Variants in EVC2 observed in about 807,000 individuals in gnomAD.
The protein encoded by EVC2 is limbin.
Under a neutral mutation model 149.3 loss-of-function variants are expected in EVC2, and 148 were observed. The observed-to-expected ratio is 0.99, with a 90% CI of 0.87 to 1.14. The LOEUF is 1.14. EVC2 is among the 50% of genes most tolerant of loss of function. The probability of loss-of-function intolerance (pLI) is 0.00; values close to 1 mark genes in which losing one functional copy is unlikely to be tolerated. For missense variants in EVC2, 1,854 were observed against 1,627.3 expected, an observed-to-expected ratio of 1.14 and a Z score of -2.40; for synonymous variants, 776 against 649.9, an observed-to-expected ratio of 1.19 and a Z score of -2.95.
upstream of EVC2, chr4:5,708,713 C>G: frequency 2.2e-6 from 1 of 458,120 alleles, no homozygotes; most frequent in Non-Finnish European, 3.8e-6. Context: ...GTTGGCGCGG[C>G]CCAGGCGCCC....
At chr4:5,705,008 T>C (rs1052797590) in intron 1 of EVC2, among the ~76,000 whole-genome samples, 23 of 152,152 alleles carry the variant, frequency 1.5e-4, no homozygotes, top group Non-Finnish European at 3.2e-4. Context: ...ATTTGACTAA[T>C]AGTTCCCTTA....
intron 16 of EVC2, among the ~76,000 whole-genome samples, chr4:5,590,065 C>A (rs547019942): frequency 5.0e-4 from 76 of 152,180 alleles, no homozygotes; most frequent in African/African-American, 1.7e-3. Flanking sequence ...GGAAGAGGAA[C>A]AGCATGACCA....
chr4:5,557,189 A>C (rs1181954346), intron 21 of EVC2, among the ~76,000 whole-genome samples: 4 of 152,178 alleles, frequency 2.6e-5, no homozygotes, highest in African/African-American at 9.6e-5. Flanking sequence ...ATATTTACAA[A>C]TTAAATCCAA....
At chr4:5,609,960 A>C (rs1183934635) in intron 16 of EVC2, among the ~76,000 whole-genome samples, 1 of 152,198 alleles carries the variant, frequency 6.6e-6, no homozygotes, top group Non-Finnish European at 1.5e-5. Flanking sequence ...GAAGTTGGGA[A>C]GGGTAAAGCA....
In EVC2 at chr4:5,633,102, A is replaced by G. The variant is rs1052861899; in HGVS notation, c.1471-1070T>C. ...AAAAGAAGCATTGGAGCCTTCCTAA[A>G]GAGAGAGACCCTCTCCTGCTGGCTT... On this transcript the variant is annotated intron_variant, in intron 10 of 21. Transcript: ENST00000344408. The surrounding 1 kb of genome is among the most constrained non-coding windows in gnomAD (Gnocchi z 4.4). 6.6e-6 allele frequency among the ~76,000 whole-genome samples: 1 copy of G among 152,228 alleles called. No individual in the cohort carries two copies. Among genetic ancestry groups the G allele is most frequent in the Non-Finnish European group, 1.5e-5 (1 of 68,028 alleles).
intron 21 of EVC2, among the ~76,000 whole-genome samples, chr4:5,564,664 G>A (rs1722156283): frequency 6.6e-6 from 1 of 152,168 alleles, no homozygotes; most frequent in Non-Finnish European, 1.5e-5. Flanking sequence ...TCTCTAGCTG[G>A]AATCACAGAA....
In EVC2 at chr4:5,689,219, C is replaced by A; in HGVS notation, c.644G>T (p.Trp215Leu). ...LLDSIAGLTIWDSVGNRTSEG... is the reference protein window; with the variant it reads ...LLDSIAGLTILDSVGNRTSEG... The stretch of plus-strand genomic sequence containing the variant: ...CGAGGTCCTGTTTCCCACAGAGTCC[C>A]AAATGGTGAGACCAGCAATGCTGTC... The change falls in exon 5 of 22, where the codon TGG becomes TTG. Residue 215 changes from tryptophan to leucine, a missense_variant. Coordinates refer to ENST00000344408, the MANE Select transcript of EVC2 (RefSeq NM_147127.5). 6.2e-7 allele frequency: 1 copy of A among 1,614,184 alleles called. No individual in the cohort carries two copies. Among genetic ancestry groups the A allele is most frequent in the Non-Finnish European group, 8.5e-7 (1 of 1,180,042 alleles).
In EVC2 at chr4:5,683,505, G is replaced by A. The variant is rs370987004; in HGVS notation, c.816+1865C>T. On this transcript the variant is annotated intron_variant, in intron 6 of 21. Coordinates refer to ENST00000344408, the MANE Select transcript of EVC2 (RefSeq NM_147127.5). ...CACAATGTTACTGAGCACCTATTAC[G>A]TGCAGGGTTCTCTTTTTGGCCCTGG... Among the ~76,000 whole-genome samples, 16 of 152,260 alleles carry A rather than the reference G, an allele frequency of 1.1e-4. No individual in the cohort carries two copies. In the South Asian group the frequency reaches 3.3e-3, roughly 32 times the overall value.
intron 10 of EVC2, among the ~76,000 whole-genome samples, chr4:5,632,537 A>G (rs1716623711): frequency 2.0e-5 from 3 of 152,224 alleles, no homozygotes; most frequent in Admixed American, 6.5e-5. Context: ...CCTGCAAAAA[A>G]TGGAAATCTC....
exon 22 of EVC2, chr4:5,543,061 G>T: frequency 9.5e-7 from 1 of 1,054,752 alleles, no homozygotes; most frequent in Non-Finnish European, 1.3e-6. Flanking sequence ...CGCAAACAGA[G>T]GCTCCAACGA....
In EVC2 at chr4:5,633,798, T is replaced by C. The variant is rs570265016; in HGVS notation, c.1471-1766A>G. Among the ~76,000 whole-genome samples, 24 of 152,334 alleles carry C rather than the reference T, an allele frequency of 1.6e-4. No individual in the cohort carries two copies. The South Asian group carries it at 5.0e-3, about 32-fold the overall frequency. ...TGGAATGCTCTATCACCCACCAGAA[T>C]TCTCTGGTTTCAGTAAATAGCATCA... is the stretch of plus-strand genomic sequence containing the variant. On this transcript the variant is annotated intron_variant, in intron 10 of 21. Coordinates refer to ENST00000344408, the MANE Select transcript of EVC2 (RefSeq NM_147127.5). This position sits in a 1 kb window ranked among gnomAD's most constrained non-coding sequence, Gnocchi z 4.4.
At position 5,567,042 on chromosome 4, in the gene EVC2, C is replaced by A. The variant is rs1354828927; in HGVS notation, c.3557+1402G>T. On this transcript the variant is annotated intron_variant, in intron 20 of 21. Coordinates refer to ENST00000344408, the MANE Select transcript of EVC2 (RefSeq NM_147127.5). The surrounding 1 kb of genome is among the most constrained non-coding windows in gnomAD (Gnocchi z 4.4). ...GTAGCATAGAGCATGTAACTGTCAT[C>A]CTGTCACTGGACATTCCGTTTGGCA... Among the ~76,000 whole-genome samples the A allele has an allele frequency of 6.6e-6, 1 of 152,142 alleles. No individual in the cohort carries two copies. Among genetic ancestry groups the A allele is most frequent in the East Asian group, 1.9e-4 (1 of 5,194 alleles).
intron 9 of EVC2, among the ~76,000 whole-genome samples, chr4:5,661,551 C>T (rs1718875824): frequency 6.6e-6 from 1 of 152,034 alleles, no homozygotes; most frequent in South Asian, 2.1e-4. Flanking sequence ...TCAGACACTT[C>T]AAAATAATTT....
At chr4:5,684,808 C>T (rs1035285866) in intron 6 of EVC2, among the ~76,000 whole-genome samples, 1 of 152,066 alleles carries the variant, frequency 6.6e-6, no homozygotes, top group Non-Finnish European at 1.5e-5. Context: ...GGTTGCTAGG[C>T]TGGGTCATGG....
At chr4:5,645,245 ACC>A (rs1297673541) in intron 9 of EVC2, among the ~76,000 whole-genome samples, 6 of 103,726 alleles carry the variant, frequency 5.8e-5, no homozygotes, top group Admixed American at 2.0e-4. Flanking sequence ...TTTAACATCC[ACC>A]TCTTTTTTTT....
At chr4:5,708,584 C>G (rs1386416604), upstream of EVC2, 9 of 1,139,418 alleles carry the variant, frequency 7.9e-6, no homozygotes, top group Non-Finnish European at 9.2e-6. Context: ...ACCCCAGGCC[C>G]GCCCCGCCGC....
At chr4:5,638,826 C>G (rs1406750341) in intron 10 of EVC2, among the ~76,000 whole-genome samples, 1 of 152,126 alleles carries the variant, frequency 6.6e-6, no homozygotes, top group African/African-American at 2.4e-5. Context: ...GACGCAGTTA[C>G]AACCCCAGGA....
chr4:5,698,099 G>A (rs959765294), intron 1 of EVC2, among the ~76,000 whole-genome samples: 2 of 152,050 alleles, frequency 1.3e-5, no homozygotes, highest in African/African-American at 4.8e-5. Context: ...TTTCTAAGTC[G>A]GCCATTCCCG....
At chr4:5,598,586 T>C (rs531800567) in intron 16 of EVC2, among the ~76,000 whole-genome samples, 1 of 152,286 alleles carries the variant, frequency 6.6e-6, no homozygotes, top group Admixed American at 6.5e-5. Context: ...GATTAAAGAC[T>C]TAAACGTTAG....
Sources: gnomAD v4.1 joint callset for allele counts (sites outside exome capture counted in the v4.1 genomes callset) on GRCh38, gnomAD v4.1.1 for gene constraint, Gnocchi (gnomAD v3.1) non-coding constraint, MANE v1.5 for transcripts, NCBI Gene and HGNC (gene_info 2026-07-23, HGNC 2026-07-21) for gene names.